ZFAND3: variants seen among roughly 807,000 people sequenced by gnomAD.
The protein encoded by ZFAND3 is AN1-type zinc finger protein 3.
A neutral mutation model predicts 29.6 loss-of-function variants in ZFAND3; 10 were observed. The observed-to-expected ratio is 0.34, with a 90% confidence interval of 0.21 to 0.57. ZFAND3 has a LOEUF of 0.57. ZFAND3 is among the 20% of genes least tolerant of loss of function. The probability of loss-of-function intolerance (pLI) is 0.86; values close to 1 mark genes in which losing one functional copy is unlikely to be tolerated. For missense variants in ZFAND3, 230 were observed against 304.5 expected (o/e 0.76, Z 1.82); for synonymous variants, 128 against 112.6 (o/e 1.14, Z -0.87).
intron 2 of ZFAND3, among the ~76,000 whole-genome samples, chr6:37,955,649 G>A (rs1762074997): frequency 6.6e-6 from 1 of 152,180 alleles, no homozygotes; most frequent in Non-Finnish European, 1.5e-5. Context: ...CTGAAATAGG[G>A]AATTAAATGA....
At chr6:38,119,646 A>G (rs1473474202) in intron 5 of ZFAND3, among the ~76,000 whole-genome samples, 1 of 152,252 alleles carries the variant, frequency 6.6e-6, no homozygotes, top group Non-Finnish European at 1.5e-5. Context: ...TGCCAATTAA[A>G]GGCAGGGAAG....
chr6:38,057,994 A>G (rs1764163725), intron 2 of ZFAND3, among the ~76,000 whole-genome samples: 1 of 152,186 alleles, frequency 6.6e-6, no homozygotes, highest in African/African-American at 2.4e-5. Context: ...GGTTAAAAGA[A>G]GGTACACTGT....
chr6:37,948,172 G>T (rs1390200263), intron 2 of ZFAND3, among the ~76,000 whole-genome samples: 1 of 152,146 alleles, frequency 6.6e-6, no homozygotes, highest in East Asian at 1.9e-4. Context: ...TACTTGTTCT[G>T]TCAGTAACAG....
At chr6:37,915,007 TTGAGAATCTGTTGTTTAGTG>T (rs1411019782) in intron 1 of ZFAND3, among the ~76,000 whole-genome samples, 44 of 152,222 alleles carry the variant, frequency 2.9e-4, no homozygotes, top group African/African-American at 1.1e-3. Flanking sequence ...TTCATTGGCA[TTGAGAATCTGTTGTTTAGTG>T]TAGCTACCTT....
chr6:37,918,084 T>A (rs547510174), intron 1 of ZFAND3, among the ~76,000 whole-genome samples: 1 of 152,134 alleles, frequency 6.6e-6, no homozygotes, highest in Non-Finnish European at 1.5e-5. Flanking sequence ...TTGTTTTGTT[T>A]TTGTTTTTTT....
intron 2 of ZFAND3, among the ~76,000 whole-genome samples, chr6:38,019,480 C>T (rs1191772433): frequency 6.6e-6 from 1 of 151,668 alleles, no homozygotes; most frequent in Non-Finnish European, 1.5e-5. Context: ...AATATTTTCT[C>T]CAACAATTTG....
chr6:37,848,328 G>A (rs943219274), intron 1 of ZFAND3, among the ~76,000 whole-genome samples: 1 of 152,244 alleles, frequency 6.6e-6, no homozygotes, highest in South Asian at 2.1e-4. Flanking sequence ...CTAATTGGCA[G>A]TTCCAAACTG....
intron 1 of ZFAND3, 33 bp downstream of exon 1, chr6:37,820,049 G>T: frequency 8.3e-7 from 1 of 1,199,806 alleles, no homozygotes; most frequent in South Asian, 4.2e-5. Flanking sequence ...GCGGGGGGCG[G>T]GGGCCGGGGG....
At chr6:38,075,953 C>T (rs534059473) in intron 3 of ZFAND3, among the ~76,000 whole-genome samples, 84 of 152,230 alleles carry the variant, frequency 5.5e-4, no homozygotes, top group Middle Eastern at 3.4e-3. Flanking sequence ...TGGGTTTCAC[C>T]GTGTTAGCCA....
At chr6:37,959,193 A>G (rs1762152732) in intron 2 of ZFAND3, among the ~76,000 whole-genome samples, 1 of 152,258 alleles carries the variant, frequency 6.6e-6, no homozygotes, top group Admixed American at 6.5e-5. Context: ...GTGATGCAGC[A>G]TAGCCTAACA....
intron 2 of ZFAND3, among the ~76,000 whole-genome samples, chr6:37,971,346 G>A (rs192062205): frequency 6.6e-6 from 1 of 152,092 alleles, no homozygotes; most frequent in Admixed American, 6.5e-5. Context: ...TCCTAGGTTG[G>A]CCAGTGTCTC....
rs78647675 is a variant in ZFAND3 at position 38,040,164 on chromosome 6, T to G, written c.113-21429T>G. Among the ~76,000 whole-genome samples, 2,596 of 152,292 alleles carry G rather than the reference T, an allele frequency of 0.017. 254 individuals carry two copies. In the East Asian group the frequency reaches 0.28, roughly 16 times the overall value. On this transcript the variant is annotated intron_variant, in intron 2 of 5. Transcript: ENST00000287218. ...TGTATGTAGATACCTGCCTCAGCTCTTAAAGGACCTTCTGGTTGTTAACAC... is the reference window on the plus strand; with the variant it reads ...TGTATGTAGATACCTGCCTCAGCTCGTAAAGGACCTTCTGGTTGTTAACAC...
chr6:37,907,519 G>T (rs543835700), intron 1 of ZFAND3, among the ~76,000 whole-genome samples: 1 of 152,058 alleles, frequency 6.6e-6, no homozygotes, highest in Non-Finnish European at 1.5e-5. Flanking sequence ...CTCACTGAAC[G>T]TGTTTTTGTG....
chr6:37,833,434 C>A (rs979526625), intron 1 of ZFAND3, among the ~76,000 whole-genome samples: 16 of 152,054 alleles, frequency 1.1e-4, no homozygotes, highest in African/African-American at 3.6e-4. Flanking sequence ...AGATTACTTA[C>A]AATTTTTTTC....
intron 1 of ZFAND3, among the ~76,000 whole-genome samples, chr6:37,831,108 C>A (rs1763852376): frequency 6.6e-6 from 1 of 152,134 alleles, no homozygotes; most frequent in African/African-American, 2.4e-5. Flanking sequence ...CGTGAGTTTA[C>A]CTCTGTGTCT....
At chr6:38,086,542 TCA>T (rs919385548) in intron 4 of ZFAND3, among the ~76,000 whole-genome samples, 6 of 152,340 alleles carry the variant, frequency 3.9e-5, no homozygotes, top group Admixed American at 3.3e-4. Flanking sequence ...TTGTTAATTC[TCA>T]CAACATTCCT....
At chr6:38,014,882 G>A (rs536532070) in intron 2 of ZFAND3, among the ~76,000 whole-genome samples, 4 of 152,202 alleles carry the variant, frequency 2.6e-5, no homozygotes, top group African/African-American at 9.6e-5. Flanking sequence ...TGCTTCATTG[G>A]CACAAAATAC....
intron 1 of ZFAND3, among the ~76,000 whole-genome samples, chr6:37,871,628 T>C (rs1764696733): frequency 6.6e-6 from 1 of 152,244 alleles, no homozygotes; most frequent in African/African-American, 2.4e-5. Context: ...TTATTTAAGA[T>C]ACTAACATTA....
intron 2 of ZFAND3, among the ~76,000 whole-genome samples, chr6:37,977,770 G>GTTTTTTTT (rs1213067308): frequency 1.8e-5 from 2 of 108,862 alleles, no homozygotes; most frequent in Non-Finnish European, 2.0e-5. Context: ...GGTTTGCTGA[G>GTTTTTTTT]TTTTTTGTTT....
Sources: gnomAD v4.1 joint callset for allele counts (sites outside exome capture counted in the v4.1 genomes callset) on GRCh38, gnomAD v4.1.1 for gene constraint, MANE v1.5 for transcripts, NCBI Gene and HGNC (gene_info 2026-07-23, HGNC 2026-07-21) for gene names.